The following SAMTOR variants were observed in gnomAD, a reference collection of about 807,000 sequenced individuals.
SAMTOR encodes UPF0532 protein C7orf60.
At chr7:112,827,767 G>A in the SAMTOR span, among the ~76,000 whole-genome samples, 5 of 152,094 alleles carry the variant, frequency 3.3e-5, no homozygotes, top group East Asian at 7.7e-4. Context: ...TGTTGCCCAG[G>A]CTGGAGTGCA....
chr7:112,862,248 T>C, the SAMTOR span, among the ~76,000 whole-genome samples: 4 of 152,126 alleles, frequency 2.6e-5, no homozygotes, highest in African/African-American at 9.7e-5. Flanking sequence ...GGAATGAGAC[T>C]GTTTTTTGTT....
chr7:112,845,873 T>C, the SAMTOR span, among the ~76,000 whole-genome samples: 3 of 151,878 alleles, frequency 2.0e-5, no homozygotes, highest in Non-Finnish European at 4.4e-5. Flanking sequence ...GAAAATGGAA[T>C]AGTATTGCAG....
chr7:112,856,253 T>C, the SAMTOR span, among the ~76,000 whole-genome samples: 39 of 151,520 alleles, frequency 2.6e-4, no homozygotes, highest in African/African-American at 8.7e-4. Flanking sequence ...ACTTTTTTTT[T>C]CTTTTTTTTT....
chr7:112,881,929 A>G, the SAMTOR span, among the ~76,000 whole-genome samples: 1 of 152,214 alleles, frequency 6.6e-6, no homozygotes, highest in Admixed American at 6.5e-5. Flanking sequence ...ATTGCGGGCA[A>G]CAAGGAGAGA....
the SAMTOR span, among the ~76,000 whole-genome samples, chr7:112,844,551 G>A: frequency 1.3e-5 from 2 of 152,062 alleles, no homozygotes; most frequent in African/African-American, 4.8e-5. Context: ...AACCCGGAAG[G>A]TGGATGATCT....
At chr7:112,863,009 C>T in the SAMTOR span, among the ~76,000 whole-genome samples, 1 of 152,002 alleles carries the variant, frequency 6.6e-6, no homozygotes. Flanking sequence ...ACTCTGGCAT[C>T]ACACTACTTG....
the SAMTOR span, among the ~76,000 whole-genome samples, chr7:112,907,842 C>CTTATTTATTTATTTAT: frequency 8.7e-4 from 128 of 146,432 alleles, no homozygotes; most frequent in African/African-American, 2.5e-3. Context: ...TTCTTACTTA[C>CTTATTTATTTATTTAT]TTATTTATTT....
chr7:112,936,239 T>C, the SAMTOR span, among the ~76,000 whole-genome samples: 1 of 152,192 alleles, frequency 6.6e-6, no homozygotes, highest in South Asian at 2.1e-4. Flanking sequence ...TAACTATCAA[T>C]GGCAGACACC....
the SAMTOR span, among the ~76,000 whole-genome samples, chr7:112,908,460 G>A: frequency 6.6e-6 from 1 of 152,092 alleles, no homozygotes; most frequent in African/African-American, 2.4e-5. Flanking sequence ...CAGATCTTAG[G>A]AGTTGTCAAA....
chr7:112,846,835 T>C, the SAMTOR span, among the ~76,000 whole-genome samples: 1 of 152,228 alleles, frequency 6.6e-6, no homozygotes, highest in African/African-American at 2.4e-5. Flanking sequence ...ATGAGCATTC[T>C]AGAAATTTTC....
At chr7:112,886,932 G>A in the SAMTOR span, among the ~76,000 whole-genome samples, 2 of 152,142 alleles carry the variant, frequency 1.3e-5, no homozygotes, top group Non-Finnish European at 2.9e-5. Context: ...TTTGGAGGCC[G>A]AGGAAGGCAG....
the SAMTOR span, among the ~76,000 whole-genome samples, chr7:112,870,750 TAA>T: frequency 3.5e-4 from 48 of 135,676 alleles, no homozygotes; most frequent in African/African-American, 9.6e-4. Flanking sequence ...GAAATTGGAT[TAA>T]AAAAAAAAAA....
At chr7:112,871,990 G>C in the SAMTOR span, among the ~76,000 whole-genome samples, 1 of 152,072 alleles carries the variant, frequency 6.6e-6, no homozygotes, top group Admixed American at 6.5e-5. Flanking sequence ...AATTGAATCA[G>C]TAATTAATAA....
At chr7:112,835,605 A>G in the SAMTOR span, among the ~76,000 whole-genome samples, 1 of 151,962 alleles carries the variant, frequency 6.6e-6, no homozygotes, top group South Asian at 2.1e-4. Context: ...ATAGTTCCCA[A>G]TAGGTAGTTT....
chr7:112,875,164 G>A, the SAMTOR span, among the ~76,000 whole-genome samples: 3 of 152,040 alleles, frequency 2.0e-5, no homozygotes, highest in Non-Finnish European at 2.9e-5. Context: ...ACCTGACCCA[G>A]CCCCCAGCTC....
At chr7:112,848,831 C>T in the SAMTOR span, among the ~76,000 whole-genome samples, 1 of 152,078 alleles carries the variant, frequency 6.6e-6, no homozygotes. Context: ...TGGGCGATCA[C>T]GAGGTCAGGA....
At chr7:112,897,175 C>T in the SAMTOR span, among the ~76,000 whole-genome samples, 7 of 152,074 alleles carry the variant, frequency 4.6e-5, no homozygotes, top group Admixed American at 2.0e-4. Context: ...GGTGTGGGGA[C>T]GAGTGCAAAG....
At chr7:112,839,539 T>G in the SAMTOR span, among the ~76,000 whole-genome samples, 1 of 151,784 alleles carries the variant, frequency 6.6e-6, no homozygotes, top group Admixed American at 6.6e-5. Flanking sequence ...CAAACATCAC[T>G]GAAAATCTGA....
At chr7:112,939,863 G>A in the SAMTOR span, 202 of 794,766 alleles carry the variant, frequency 2.5e-4, no homozygotes, top group Non-Finnish European at 3.5e-4. Flanking sequence ...GGAGGCAGAG[G>A]AACCGGAGCG....
Sources: allele counts gnomAD v4.1 joint callset (sites outside exome capture counted in the v4.1 genomes callset), GRCh38; gene constraint gnomAD v4.1.1; transcripts MANE v1.5; gene names NCBI Gene and HGNC (gene_info 2026-07-23, HGNC 2026-07-21).